The following DLGAP1 variants were observed in gnomAD, a reference collection of about 807,000 sequenced individuals.
DLGAP1 encodes the protein DLG associated protein 1, also known as disks large-associated protein 1.
In DLGAP1, 11 loss-of-function variants were observed where a neutral mutation model predicts 90.8. That is an observed-to-expected ratio of 0.12 (90% CI 0.08 to 0.20). The LOEUF is 0.20. DLGAP1 is among the 10% of genes least tolerant of loss of function. The pLI is 1.00. For synonymous variants in DLGAP1, 558 were observed against 540.7 expected (o/e 1.03, Z -0.44); for missense variants, 1,050 against 1,333.8 (o/e 0.79, Z 3.31).
At chr18:3,988,687 C>A (rs138639804) in intron 3 of DLGAP1, among the ~76,000 whole-genome samples, 759 of 152,250 alleles carry the variant, frequency 5.0e-3, no homozygotes, top group South Asian at 0.012. Flanking sequence ...ACCTGCGATG[C>A]AGCCCGGTTC....
intron 2 of DLGAP1, among the ~76,000 whole-genome samples, chr18:4,011,032 C>T (rs560509579): frequency 6.8e-4 from 103 of 151,902 alleles, no homozygotes; most frequent in African/African-American, 2.2e-3. Flanking sequence ...AAAAATTAGC[C>T]GGTCGTGGTA....
intron 7 of DLGAP1, among the ~76,000 whole-genome samples, chr18:3,645,945 C>T (rs1182423013): frequency 6.6e-6 from 1 of 152,232 alleles, no homozygotes; most frequent in Non-Finnish European, 1.5e-5. Flanking sequence ...CTTCCTGCCA[C>T]AGACCTCAGC....
chr18:4,439,606 G>C (rs1452306768), intron 1 of DLGAP1, among the ~76,000 whole-genome samples: 1 of 151,930 alleles, frequency 6.6e-6, no homozygotes, highest in Non-Finnish European at 1.5e-5. Context: ...AGGAGTTCAA[G>C]ACCAGCCTGG....
intron 2 of DLGAP1, among the ~76,000 whole-genome samples, chr18:4,011,175 CAA>C (rs35493947): frequency 0.089 from 8,574 of 96,720 alleles, 280 homozygotes; most frequent in Admixed American, 0.15. Context: ...GATTCCGCCT[CAA>C]AAAAAAAAAA....
chr18:4,046,563 AG>A (rs1302393500), intron 2 of DLGAP1, among the ~76,000 whole-genome samples: 1 of 152,260 alleles, frequency 6.6e-6, no homozygotes, highest in Non-Finnish European at 1.5e-5. Context: ...GTTAGAATAT[AG>A]GTCTGTGAAA....
intron 1 of DLGAP1, among the ~76,000 whole-genome samples, chr18:4,397,442 T>C (rs938047685): frequency 7.9e-5 from 12 of 152,156 alleles, no homozygotes; most frequent in African/African-American, 2.9e-4. Flanking sequence ...AAACCACACT[T>C]TATATCAAAG....
intron 1 of DLGAP1, among the ~76,000 whole-genome samples, chr18:4,393,065 C>T (rs1254287140): frequency 6.6e-6 from 1 of 152,174 alleles, no homozygotes; most frequent in Non-Finnish European, 1.5e-5. Flanking sequence ...TACAGCAGCC[C>T]TCACGTGGTT....
rs556450860 is a variant in DLGAP1 at position 4,300,339 on chromosome 18, C to T, written c.-266-149052G>A. On this transcript the variant is annotated intron_variant, in intron 1 of 12. Transcript: ENST00000315677. ...CAAAACATATTCTACTATGGTTTAT[C>T]TGTAGATCGTAAAATGTTTGAATCT... 2.4e-4 allele frequency among the ~76,000 whole-genome samples: 37 copies of T among 152,220 alleles called. 1 individual carries two copies. Among genetic ancestry groups the T allele is most frequent in the African/African-American group, 8.7e-4 (36 of 41,554 alleles).
At chr18:3,699,444 C>T (rs750686162) in intron 7 of DLGAP1, among the ~76,000 whole-genome samples, 16 of 152,162 alleles carry the variant, frequency 1.1e-4, no homozygotes, top group Non-Finnish European at 2.2e-4. Context: ...GCTCCAGATC[C>T]TGTTGCCTGG....
intron 1 of DLGAP1, among the ~76,000 whole-genome samples, chr18:4,255,756 T>G (rs980878399): frequency 6.6e-6 from 1 of 152,082 alleles, no homozygotes; most frequent in Non-Finnish European, 1.5e-5. Context: ...TGATAAAAAC[T>G]ATACTTTTCC....
chr18:3,543,164 CAATTTTTTTT>C (rs2052790370), intron 9 of DLGAP1, among the ~76,000 whole-genome samples: 1 of 66,026 alleles, frequency 1.5e-5, no homozygotes, highest in Admixed American at 2.2e-4. Flanking sequence ...CCCATGACTC[CAATTTTTTTT>C]TTTTTTTTTT....
chr18:3,561,303 G>C (rs2054093094), intron 9 of DLGAP1, among the ~76,000 whole-genome samples: 2 of 148,118 alleles, frequency 1.4e-5, no homozygotes, highest in Non-Finnish European at 3.0e-5. Context: ...GCCAGATGTG[G>C]CAGGTGCCTG....
intron 5 of DLGAP1, among the ~76,000 whole-genome samples, chr18:3,760,771 T>A (rs1434915007): frequency 6.6e-6 from 1 of 152,228 alleles, no homozygotes; most frequent in East Asian, 1.9e-4. Flanking sequence ...TCCATTTGCG[T>A]AGGACCAAAT....
intron 7 of DLGAP1, among the ~76,000 whole-genome samples, chr18:3,623,844 G>A (rs1055991536): frequency 1.3e-5 from 2 of 151,590 alleles, no homozygotes; most frequent in African/African-American, 4.9e-5. Flanking sequence ...CCCTGCTAAT[G>A]GGCCTTTTTC....
At chr18:4,270,276 A>T (rs147365906) in intron 1 of DLGAP1, among the ~76,000 whole-genome samples, 29 of 152,208 alleles carry the variant, frequency 1.9e-4, no homozygotes, top group African/African-American at 6.5e-4. Context: ...CCTGCAGCTT[A>T]TTTAACAGAA....
At chr18:3,762,542 G>A (rs2064016232) in intron 5 of DLGAP1, among the ~76,000 whole-genome samples, 1 of 151,876 alleles carries the variant, frequency 6.6e-6, no homozygotes, top group South Asian at 2.1e-4. Context: ...TTCACAAATT[G>A]CTTCATATTC....
chr18:3,800,328 T>C (rs1598800720), intron 5 of DLGAP1, among the ~76,000 whole-genome samples: 1 of 152,240 alleles, frequency 6.6e-6, no homozygotes. Flanking sequence ...GTTATGAATA[T>C]CTCTTTTTGT....
intron 7 of DLGAP1, among the ~76,000 whole-genome samples, chr18:3,703,304 T>C (rs1288878699): frequency 6.6e-6 from 1 of 152,242 alleles, no homozygotes; most frequent in Non-Finnish European, 1.5e-5. Flanking sequence ...CTGAATTTTA[T>C]TGCATTTACT....
At chr18:4,258,231 A>G (rs1464161328) in intron 1 of DLGAP1, among the ~76,000 whole-genome samples, 2 of 152,036 alleles carry the variant, frequency 1.3e-5, no homozygotes, top group Admixed American at 1.3e-4. Context: ...AGAGACAAGG[A>G]TGAGGTCTCG....
Sources: allele counts gnomAD v4.1 joint callset (sites outside exome capture counted in the v4.1 genomes callset), GRCh38; gene constraint gnomAD v4.1.1; transcripts MANE v1.5; gene names NCBI Gene and HGNC (gene_info 2026-07-23, HGNC 2026-07-21).